The following CAST variants were observed in gnomAD, a reference collection of about 807,000 sequenced individuals.
CAST encodes the protein MIR583 host.
In CAST, 76 loss-of-function variants were observed where a neutral mutation model predicts 119.6. The ratio of observed to expected loss-of-function variants is 0.64; its 90% CI spans 0.53 to 0.77. The LOEUF is 0.77. CAST is among the 30% of genes least tolerant of loss of function. The pLI is 0.00. For synonymous variants in CAST, 319 were observed against 331.6 expected, an observed-to-expected ratio of 0.96 and a Z score of 0.41; for missense variants, 953 against 946.5, an observed-to-expected ratio of 1.01 and a Z score of -0.09.
intron 1 of CAST, among the ~76,000 whole-genome samples, chr5:96,600,840 T>C (rs1747136899): frequency 6.6e-6 from 1 of 152,194 alleles, no homozygotes; most frequent in Non-Finnish European, 1.5e-5. Flanking sequence ...TATTTAACAT[T>C]CAAATTACAG....
the CAST span, among the ~76,000 whole-genome samples, chr5:96,093,141 TA>T: frequency 2.6e-5 from 4 of 152,036 alleles, no homozygotes; most frequent in East Asian, 1.9e-4. Context: ...CAAATTAAAA[TA>T]AAAAAAATGA....
At chr5:96,363,566 G>C in the CAST span, among the ~76,000 whole-genome samples, 2 of 152,086 alleles carry the variant, frequency 1.3e-5, no homozygotes, top group Non-Finnish European at 2.9e-5. Flanking sequence ...TTGTAAGTTG[G>C]ATTCCTAGGT....
the CAST span, among the ~76,000 whole-genome samples, chr5:96,461,547 C>T: frequency 6.6e-6 from 1 of 152,006 alleles, no homozygotes; most frequent in African/African-American, 2.4e-5. Context: ...TAATGATAGC[C>T]ATCCTAGTGA....
chr5:96,052,085 T>C, the CAST span, among the ~76,000 whole-genome samples: 1 of 152,280 alleles, frequency 6.6e-6, no homozygotes, highest in East Asian at 1.9e-4. Flanking sequence ...GCTGATATCA[T>C]TGTTTGAGTT....
chr5:96,479,412 A>G, the CAST span, among the ~76,000 whole-genome samples: 1 of 152,128 alleles, frequency 6.6e-6, no homozygotes, highest in Non-Finnish European at 1.5e-5. Context: ...AATCATTCAA[A>G]AAATATCTAG....
the CAST span, among the ~76,000 whole-genome samples, chr5:96,440,159 T>C: frequency 6.8e-6 from 1 of 146,660 alleles, no homozygotes; most frequent in African/African-American, 2.6e-5. Context: ...ATTTCTGCAA[T>C]TATGTTTATC....
chr5:96,198,093 C>T, the CAST span, among the ~76,000 whole-genome samples: 1 of 152,150 alleles, frequency 6.6e-6, no homozygotes, highest in Non-Finnish European at 1.5e-5. Context: ...TTTTTCCCTT[C>T]TCTAGGCGAT....
chr5:96,293,886 A>G, the CAST span, among the ~76,000 whole-genome samples: 110 of 151,962 alleles, frequency 7.2e-4, no homozygotes, highest in East Asian at 0.021. Context: ...CAGCCTCCCG[A>G]GTAGCTGGGA....
the CAST span, among the ~76,000 whole-genome samples, chr5:96,464,141 G>A: frequency 6.6e-6 from 1 of 151,844 alleles, no homozygotes; most frequent in East Asian, 1.9e-4. Context: ...TTTTGTTTAA[G>A]ATACCCAGGC....
chr5:96,275,801 C>T, the CAST span, among the ~76,000 whole-genome samples: 2 of 152,182 alleles, frequency 1.3e-5, no homozygotes, highest in Admixed American at 6.5e-5. Context: ...ATTACAGGCT[C>T]ATTTGCTGTA....
chr5:96,648,533 A>G (rs1748050463), intron 1 of CAST, among the ~76,000 whole-genome samples: 1 of 152,126 alleles, frequency 6.6e-6, no homozygotes, highest in Admixed American at 6.6e-5. Context: ...ATATCTGTAT[A>G]TTTAAGTTTC....
chr5:96,162,661 A>G, the CAST span, among the ~76,000 whole-genome samples: 1 of 152,076 alleles, frequency 6.6e-6, no homozygotes, highest in Admixed American at 6.6e-5. Flanking sequence ...GAGGTAATCC[A>G]TCCGCCTCAG....
chr5:96,392,127 CTGCTGAAAAAAATTGTGACTAGGAATT>C, the CAST span: 2 of 151,586 alleles, frequency 1.3e-5, no homozygotes, highest in South Asian at 4.2e-4. Flanking sequence ...TTTCCTGTTA[CTGCTGAAAAAAATTGTGACTAGGAATT>C]TGCCAAGTCC....
intron 1 of CAST, among the ~76,000 whole-genome samples, chr5:96,543,864 G>T (rs1047193696): frequency 6.6e-6 from 1 of 152,098 alleles, no homozygotes; most frequent in African/African-American, 2.4e-5. Context: ...GGATCAGTTG[G>T]TTATATTTGT....
At chr5:96,186,909 G>A in the CAST span, among the ~76,000 whole-genome samples, 1 of 152,186 alleles carries the variant, frequency 6.6e-6, no homozygotes, top group Non-Finnish European at 1.5e-5. Flanking sequence ...ATTTGGAATA[G>A]TATCAGTAGA....
intron 1 of CAST, among the ~76,000 whole-genome samples, chr5:96,570,855 C>T (rs1580829329): frequency 1.3e-5 from 2 of 152,114 alleles, no homozygotes; most frequent in African/African-American, 4.8e-5. Flanking sequence ...GGAATAATTT[C>T]CTGGGTAAGT....
At chr5:96,547,714 C>T (rs894300257) in intron 1 of CAST, among the ~76,000 whole-genome samples, 7 of 152,222 alleles carry the variant, frequency 4.6e-5, no homozygotes, top group African/African-American at 1.4e-4. Flanking sequence ...CGATAGTCCA[C>T]AGTCATTCTC....
chr5:96,182,682 A>G, the CAST span, among the ~76,000 whole-genome samples: 1 of 152,326 alleles, frequency 6.6e-6, no homozygotes, highest in South Asian at 2.1e-4. Flanking sequence ...TTATTCAACA[A>G]ATATGTATTG....
the CAST span, among the ~76,000 whole-genome samples, chr5:96,451,212 A>G: frequency 5.9e-5 from 9 of 152,360 alleles, no homozygotes; most frequent in Admixed American, 1.3e-4. Context: ...TTTGTGTACT[A>G]TCTACCACCT....
Sources: allele counts gnomAD v4.1 joint callset (sites outside exome capture counted in the v4.1 genomes callset), GRCh38; gene constraint gnomAD v4.1.1; transcripts MANE v1.5; gene names NCBI Gene and HGNC (gene_info 2026-07-23, HGNC 2026-07-21).